MAN1C1: variants seen among roughly 807,000 people sequenced by gnomAD.
MAN1C1 encodes the protein mannosyl-oligosaccharide 1,2-alpha-mannosidase IC.
A neutral mutation model predicts 71.5 loss-of-function variants in MAN1C1; 49 were observed. The ratio of observed to expected loss-of-function variants is 0.69; its 90% CI spans 0.54 to 0.87. The LOEUF (loss-of-function observed/expected upper bound fraction) is 0.87, where lower values mean the gene tolerates loss of function less well. Among genes scored for constraint, MAN1C1 ranks in the 40% least tolerant of loss-of-function variants. The pLI, the probability that MAN1C1 is intolerant of heterozygous loss-of-function variation, is 0.00. For missense variants in MAN1C1, 743 were observed against 835.0 expected (o/e 0.89, Z 1.36); for synonymous variants, 352 against 343.7 (o/e 1.02, Z -0.27).
chr1:25,696,949 G>A (rs1388682426), intron 2 of MAN1C1, among the ~76,000 whole-genome samples: 1 of 152,162 alleles, frequency 6.6e-6, no homozygotes, highest in Non-Finnish European at 1.5e-5. Context: ...GCCTGACTGA[G>A]TGGCCACTAT....
intron 7 of MAN1C1, among the ~76,000 whole-genome samples, chr1:25,767,917 T>A (rs1474711863): frequency 4.4e-5 from 1 of 22,790 alleles, no homozygotes. Flanking sequence ...CATTACACAC[T>A]CCCCCACACA....
Position 25,617,707 on chromosome 1 carries a change from C to T in MAN1C1, c.-91C>T. 2.3e-6 allele frequency: 3 copies of T among 1,294,488 alleles called. No individual in the cohort carries two copies. The highest frequency in any genetic ancestry group is 2.8e-5 in the South Asian group (2 of 70,256). The allele number at this position is 1,294,488 out of a possible 1,614,324, so 80.2% of individuals were successfully genotyped here. A position where few individuals can be genotyped will look rare whatever the true frequency, so the allele number is the denominator to read the frequency against. On this transcript the variant is annotated 5_prime_UTR_variant, in exon 1 of 12. Transcript: ENST00000374332. The surrounding 1 kb of genome is among the most constrained non-coding windows in gnomAD (Gnocchi z 5.1). ...CAACCCTGCCCAGGGACCCCCATCC[C>T]GGGCGGCGCTCCGGACGCCCTCCCC...
chr1:25,660,529 A>T (rs2045832019), intron 1 of MAN1C1, among the ~76,000 whole-genome samples: 1 of 146,374 alleles, frequency 6.8e-6, no homozygotes, highest in Non-Finnish European at 1.5e-5. Context: ...AATAGCTGGG[A>T]CTACAGGTGT....
rs971710221 is a variant in MAN1C1 at position 25,618,462 on chromosome 1, C to T, written c.540+125C>T. Reference sequence around the variant, plus strand: ...GGTCCCAGGTCTACTTCTGGCCCTGCAGACTGCACTTTGCACCTTCCCCTT... The same window carrying T: ...GGTCCCAGGTCTACTTCTGGCCCTGTAGACTGCACTTTGCACCTTCCCCTT... On this transcript the variant is annotated intron_variant, in intron 1 of 11. Coordinates refer to ENST00000374332, the MANE Select transcript of MAN1C1 (RefSeq NM_020379.4). The T allele has an allele frequency of 6.6e-6, 6 of 908,726 alleles. No homozygotes were observed. The African/African-American group carries it at 1.1e-4, about 16-fold the overall frequency. 56.3% of individuals were successfully genotyped at this position (908,726 alleles called of 1,614,324 possible). A position where few individuals can be genotyped will look rare whatever the true frequency, so the allele number is the denominator to read the frequency against.
intron 2 of MAN1C1, among the ~76,000 whole-genome samples, chr1:25,722,394 A>G (rs150846811): frequency 6.6e-5 from 10 of 152,240 alleles, no homozygotes; most frequent in Admixed American, 2.0e-4. Flanking sequence ...TGGAATTCCT[A>G]CATTTTTTAG....
At chr1:25,763,448 C>G (rs1428293795) in intron 6 of MAN1C1, among the ~76,000 whole-genome samples, 1 of 133,704 alleles carries the variant, frequency 7.5e-6, no homozygotes, top group Non-Finnish European at 1.5e-5. Flanking sequence ...AAGATCGTGC[C>G]ACTGCACTCC....
At chr1:25,780,841 C>T (rs765173554) in intron 9 of MAN1C1, 99 bp from the exon 10 acceptor site, 570 of 1,319,926 alleles carry the variant, frequency 4.3e-4, no homozygotes, top group Non-Finnish European at 5.8e-4. Context: ...CCTGACATCA[C>T]CCTGGCCGCG....
At position 25,753,387 on chromosome 1, in the gene MAN1C1, G is replaced by A; in HGVS notation, c.835-97G>A. ...CAGCACTGCCCCCTACTCTAGACCT[G>A]CAGCCCTGGGGGGTTCATCCTGCCT... On this transcript the variant is annotated intron_variant, in intron 4 of 11. Transcript: ENST00000374332. The surrounding 1 kb of genome is among the most constrained non-coding windows in gnomAD (Gnocchi z 4.9). 1.2e-6 allele frequency: 1 copy of A among 839,140 alleles called. No individual in the cohort carries two copies. Among genetic ancestry groups the A allele is most frequent in the Non-Finnish European group, 1.8e-6 (1 of 542,228 alleles). 52.0% of individuals were successfully genotyped at this position (839,140 alleles called of 1,614,324 possible). A position where few individuals can be genotyped will look rare whatever the true frequency, so the allele number is the denominator to read the frequency against.
Position 25,746,225 on chromosome 1 carries a change from A to T in MAN1C1, c.638-443A>T, listed in dbSNP as rs1259065969. On this transcript the variant is annotated intron_variant, in intron 2 of 11. Coordinates refer to ENST00000374332, the MANE Select transcript of MAN1C1 (RefSeq NM_020379.4). This position sits in a 1 kb window ranked among gnomAD's most constrained non-coding sequence, Gnocchi z 4.0. ...GAGGCTGAGGTGGGAGAATCGCTTGAACCTGGGAGGCAGAGGTTGGAGTGA... is the reference window on the plus strand; with the variant it reads ...GAGGCTGAGGTGGGAGAATCGCTTGTACCTGGGAGGCAGAGGTTGGAGTGA... 6.6e-6 allele frequency among the ~76,000 whole-genome samples: 1 copy of T among 152,190 alleles called. No individual in the cohort carries two copies. Among genetic ancestry groups the T allele is most frequent in the Non-Finnish European group, 1.5e-5 (1 of 68,028 alleles).
intron 3 of MAN1C1, among the ~76,000 whole-genome samples, chr1:25,748,066 T>G (rs2047161578): frequency 3.3e-5 from 5 of 151,972 alleles, no homozygotes; most frequent in Admixed American, 3.3e-4. Context: ...GGAAGGAGTG[T>G]CCCCATAGGC....
At chr1:25,708,570 A>AT (rs916238017) in intron 2 of MAN1C1, among the ~76,000 whole-genome samples, 5 of 152,110 alleles carry the variant, frequency 3.3e-5, no homozygotes, top group Non-Finnish European at 5.9e-5. Flanking sequence ...TCTCAGCTTC[A>AT]TTTTACCCAG....
At chr1:25,700,594 G>A (rs753303171) in intron 2 of MAN1C1, among the ~76,000 whole-genome samples, 23 of 152,278 alleles carry the variant, frequency 1.5e-4, no homozygotes, top group African/African-American at 3.6e-4. Context: ...ACATGATGCC[G>A]GCCTAAGGAA....
At chr1:25,699,761 C>G (rs1052675901) in intron 2 of MAN1C1, among the ~76,000 whole-genome samples, 3 of 152,190 alleles carry the variant, frequency 2.0e-5, no homozygotes, top group African/African-American at 7.2e-5. Flanking sequence ...AGGGTCAGCC[C>G]TGGAGACAGA....
chr1:25,642,311 C>T (rs760964219), intron 1 of MAN1C1, among the ~76,000 whole-genome samples: 2 of 152,182 alleles, frequency 1.3e-5, no homozygotes, highest in African/African-American at 2.4e-5. Context: ...GATTGATGCT[C>T]AGGAAATAGG....
In MAN1C1 at chr1:25,769,826, AGGG is replaced by A. The variant is rs2047522469; in HGVS notation, c.1142-1827_1142-1825del. On this transcript the variant is annotated intron_variant, in intron 7 of 11. Coordinates refer to ENST00000374332, the MANE Select transcript of MAN1C1 (RefSeq NM_020379.4). The surrounding 1 kb of genome is among the most constrained non-coding windows in gnomAD (Gnocchi z 4.8). ...CACACCCGGCGGGCACCCGATGGCA[AGGG>A]GGGCCCACCACCCAAGGGGAGTGCT... 6.6e-6 allele frequency among the ~76,000 whole-genome samples: 1 copy of A among 152,124 alleles called. No homozygotes were observed. The highest frequency in any genetic ancestry group is 1.5e-5 in the Non-Finnish European group (1 of 67,998).
In MAN1C1 at chr1:25,631,977, G is replaced by C. The variant is rs2045387861; in HGVS notation, c.540+13640G>C. Among the ~76,000 whole-genome samples, 1 of 152,222 alleles carries C rather than the reference G, an allele frequency of 6.6e-6. No homozygotes were observed. On this transcript the variant is annotated intron_variant, in intron 1 of 11. Coordinates refer to ENST00000374332, the MANE Select transcript of MAN1C1 (RefSeq NM_020379.4). This position sits in a 1 kb window ranked among gnomAD's most constrained non-coding sequence, Gnocchi z 4.2. ...TGTAGGATGGGGTTTCACCATGTTG[G>C]CTAGGCTGGTCTTGAATCCTGAACT... is the stretch of plus-strand genomic sequence containing the variant.
intron 1 of MAN1C1, among the ~76,000 whole-genome samples, chr1:25,640,950 T>C (rs1327644668): frequency 1.3e-5 from 2 of 152,202 alleles, no homozygotes; most frequent in Non-Finnish European, 2.9e-5. Flanking sequence ...TAAGGTTCTC[T>C]GTGCTCTGAG....
intron 6 of MAN1C1, 70 bp from the exon 7 acceptor site, chr1:25,763,804 C>G (rs2047392119): frequency 7.8e-7 from 1 of 1,283,944 alleles, no homozygotes; most frequent in African/African-American, 1.5e-5. Flanking sequence ...TGCCTCCCAT[C>G]CTCAGCAGGC....
chr1:25,679,007 G>A (rs1015081314), intron 1 of MAN1C1, among the ~76,000 whole-genome samples: 4 of 149,708 alleles, frequency 2.7e-5, no homozygotes, highest in South Asian at 4.4e-4. Context: ...GAGAGGAGAC[G>A]AGAGAGAGAG....
Sources: gnomAD v4.1 joint callset for allele counts (sites outside exome capture counted in the v4.1 genomes callset) on GRCh38, gnomAD v4.1.1 for gene constraint, Gnocchi (gnomAD v3.1) non-coding constraint, MANE v1.5 for transcripts, NCBI Gene and HGNC (gene_info 2026-07-23, HGNC 2026-07-21) for gene names.